IGSF11: variants seen among roughly 807,000 people sequenced by gnomAD.
The protein encoded by IGSF11 is immunoglobulin superfamily member 11, also known as CXADR like 1.
Under a neutral mutation model 41.0 loss-of-function variants are expected in IGSF11, and 22 were observed. The ratio of observed to expected loss-of-function variants is 0.54; its 90% CI spans 0.38 to 0.77. The LOEUF (loss-of-function observed/expected upper bound fraction) is 0.77. Among genes scored for constraint, IGSF11 ranks in the 30% least tolerant of loss-of-function variants. The pLI, the probability that IGSF11 is intolerant of heterozygous loss-of-function variation, is 0.00. For synonymous variants in IGSF11, 219 were observed against 201.3 expected (o/e 1.09, Z -0.74); for missense variants, 444 against 530.8 (o/e 0.84, Z 1.61).
chr3:119,073,913 C>T (rs755945585), intron 1 of IGSF11, among the ~76,000 whole-genome samples: 30 of 152,238 alleles, frequency 2.0e-4, no homozygotes, highest in Middle Eastern at 3.2e-3. Context: ...GCCAAGGAGG[C>T]GCCAAGAGTG....
chr3:118,956,095 C>T (rs113743020), intron 1 of IGSF11, among the ~76,000 whole-genome samples: 2 of 152,156 alleles, frequency 1.3e-5, no homozygotes, highest in African/African-American at 2.4e-5. Flanking sequence ...CATGAACCAA[C>T]CTCTGCTAGC....
At chr3:119,136,078 G>C (rs1194545124) in intron 1 of IGSF11, among the ~76,000 whole-genome samples, 2 of 152,140 alleles carry the variant, frequency 1.3e-5, no homozygotes, top group African/African-American at 2.4e-5. Context: ...TTGGGGGCTG[G>C]GGTAGGGATA....
At chr3:119,128,485 C>T (rs913603571) in intron 1 of IGSF11, among the ~76,000 whole-genome samples, 2 of 151,948 alleles carry the variant, frequency 1.3e-5, no homozygotes, top group African/African-American at 4.8e-5. Context: ...GACCCATTGG[C>T]GTGCTGTATT....
intron 1 of IGSF11, among the ~76,000 whole-genome samples, chr3:119,033,469 C>T (rs1242394814): frequency 6.6e-6 from 1 of 152,212 alleles, no homozygotes. Flanking sequence ...TTGATGATAA[C>T]AGCTTCATTA....
chr3:118,994,701 A>G (rs1270691672), intron 1 of IGSF11, among the ~76,000 whole-genome samples: 10 of 152,238 alleles, frequency 6.6e-5, no homozygotes, highest in African/African-American at 2.4e-4. Flanking sequence ...CAAGGAGTTC[A>G]CTGCTTGTTA....
upstream of IGSF11, among the ~76,000 whole-genome samples, chr3:119,036,675 G>C (rs2107744386): frequency 6.8e-6 from 1 of 148,070 alleles, no homozygotes; most frequent in East Asian, 2.0e-4. Context: ...CACTTTGTAA[G>C]GCACCAGGTT....
intron 1 of IGSF11, among the ~76,000 whole-genome samples, chr3:118,931,878 G>A (rs777942677): frequency 9.2e-5 from 14 of 151,838 alleles, no homozygotes; most frequent in Non-Finnish European, 1.9e-4. Flanking sequence ...GACTACAGGC[G>A]CCCGCCACCA....
chr3:119,005,365 G>T (rs1178012188), intron 1 of IGSF11, among the ~76,000 whole-genome samples: 1 of 149,638 alleles, frequency 6.7e-6, no homozygotes, highest in East Asian at 2.0e-4. Flanking sequence ...GTCTCTGCAC[G>T]TGAGATGGGT....
chr3:119,029,123 A>T (rs1940115997), intron 1 of IGSF11, among the ~76,000 whole-genome samples: 1 of 151,072 alleles, frequency 6.6e-6, no homozygotes, highest in South Asian at 2.1e-4. Flanking sequence ...TCTACTGAGC[A>T]TTACTATAGT....
At chr3:119,045,180 C>T (rs549051092) in intron 1 of IGSF11, among the ~76,000 whole-genome samples, 3 of 152,298 alleles carry the variant, frequency 2.0e-5, no homozygotes, top group Non-Finnish European at 2.9e-5. Context: ...TCTACAGCTC[C>T]CAGCGTGAGC....
intron 1 of IGSF11, among the ~76,000 whole-genome samples, chr3:118,996,695 G>A (rs1289421184): frequency 2.0e-5 from 3 of 152,008 alleles, no homozygotes; most frequent in Non-Finnish European, 2.9e-5. Flanking sequence ...TGCCTCCCGG[G>A]TTCACGACAT....
At chr3:119,132,040 T>A (rs2077489568) in intron 1 of IGSF11, among the ~76,000 whole-genome samples, 1 of 151,916 alleles carries the variant, frequency 6.6e-6, no homozygotes, top group African/African-American at 2.4e-5. Context: ...TTACAAGAGC[T>A]CCTGAAGGAA....
intron 1 of IGSF11, chr3:118,944,821 C>A (rs1943993310): frequency 6.6e-6 from 1 of 152,228 alleles, no homozygotes; most frequent in East Asian, 1.9e-4. Context: ...TAGTAACAAA[C>A]AAGACTTGGA....
chr3:118,959,044 G>C (rs1406875822), intron 1 of IGSF11, among the ~76,000 whole-genome samples: 1 of 152,182 alleles, frequency 6.6e-6, no homozygotes, highest in East Asian at 1.9e-4. Flanking sequence ...CAAAATACGT[G>C]TAGGGGAGAG....
At chr3:118,914,392 G>C (rs1460912853) in intron 4 of IGSF11, among the ~76,000 whole-genome samples, 9 of 151,580 alleles carry the variant, frequency 5.9e-5, no homozygotes, top group Admixed American at 5.9e-4. Context: ...CAGGCCAGTG[G>C]GTGCGCGCAC....
At chr3:119,052,461 G>A (rs1490901581) in intron 1 of IGSF11, among the ~76,000 whole-genome samples, 2 of 146,664 alleles carry the variant, frequency 1.4e-5, no homozygotes, top group African/African-American at 2.5e-5. Context: ...AAGAGAGGGA[G>A]GGAGGGAGGG....
chr3:119,111,541 C>T (rs1257421399), intron 1 of IGSF11, among the ~76,000 whole-genome samples: 2 of 152,078 alleles, frequency 1.3e-5, no homozygotes, highest in Admixed American at 6.5e-5. Context: ...TTTGAATTTC[C>T]TCCTGTAGGT....
intron 1 of IGSF11, among the ~76,000 whole-genome samples, chr3:118,976,939 C>T (rs555977898): frequency 5.3e-5 from 8 of 152,238 alleles, no homozygotes; most frequent in Admixed American, 5.2e-4. Flanking sequence ...TCCTGTCACC[C>T]ACTTCTGTAG....
At chr3:118,905,126 A>G (rs1442660713) in intron 5 of IGSF11, among the ~76,000 whole-genome samples, 1 of 152,174 alleles carries the variant, frequency 6.6e-6, no homozygotes, top group Admixed American at 6.5e-5. Flanking sequence ...GCTGGAAACT[A>G]GGGGATATCC....
Sources: allele counts gnomAD v4.1 joint callset (sites outside exome capture counted in the v4.1 genomes callset), GRCh38; gene constraint gnomAD v4.1.1; transcripts MANE v1.5; gene names NCBI Gene and HGNC (gene_info 2026-07-23, HGNC 2026-07-21).